TBC1D4: variants seen among roughly 807,000 people sequenced by gnomAD.
TBC1D4 encodes TBC (Tre-2, BUB2, CDC16) domain-containing protein.
A neutral mutation model predicts 142.5 loss-of-function variants in TBC1D4; 121 were observed. The observed-to-expected ratio is 0.85, with a 90% CI of 0.73 to 0.99. The LOEUF (loss-of-function observed/expected upper bound fraction) is 0.99, where lower values mean the gene tolerates loss of function less well. TBC1D4 is among the 50% of genes least tolerant of loss of function. TBC1D4 has a pLI of 0.00. For synonymous variants in TBC1D4, 630 were observed against 628.2 expected (o/e 1.00, Z -0.04); for missense variants, 1,475 against 1,606.6 (o/e 0.92, Z 1.40).
At position 75,306,419 on chromosome 13, in the gene TBC1D4, A is replaced by C; in HGVS notation, c.2646T>G (p.Val882=). The C allele has an allele frequency of 6.2e-7, 1 of 1,613,506 alleles. No homozygotes were observed. Among genetic ancestry groups the C allele is most frequent in the South Asian group, 1.1e-5 (1 of 91,072 alleles). The change falls in exon 15 of 21, where the codon GTT becomes GTG. Residue 882 remains valine, a synonymous_variant. Transcript: ENST00000377636. The part of the protein sequence containing the change: ...SRKVKLDYEE[V]GACQKEVLIT... ...TTAAGACCTCTTTCTGACATGCACC[A>C]ACTTCTTCATAGTCTAATTTAACTT...
intron 7 of TBC1D4, among the ~76,000 whole-genome samples, chr13:75,340,660 A>G (rs1179901363): frequency 6.6e-6 from 1 of 152,026 alleles, no homozygotes; most frequent in East Asian, 1.9e-4. Flanking sequence ...AATTCCCTAT[A>G]AAATGGCCGG....
intron 1 of TBC1D4, among the ~76,000 whole-genome samples, chr13:75,383,887 A>G (rs950274736): frequency 3.3e-5 from 5 of 152,044 alleles, no homozygotes; most frequent in Non-Finnish European, 4.4e-5. Flanking sequence ...TTACTTCATC[A>G]TCTATTTCCT....
At chr13:75,386,935 T>C (rs1884213812) in intron 1 of TBC1D4, among the ~76,000 whole-genome samples, 1 of 152,184 alleles carries the variant, frequency 6.6e-6, no homozygotes, top group South Asian at 2.1e-4. Flanking sequence ...ATCTTTATCA[T>C]TATTTTTCAA....
At chr13:75,386,156 C>A (rs1884155254) in intron 1 of TBC1D4, among the ~76,000 whole-genome samples, 1 of 152,130 alleles carries the variant, frequency 6.6e-6, no homozygotes, top group South Asian at 2.1e-4. Context: ...GCCAAGCTAC[C>A]AATGAGACCA....
At chr13:75,407,627 C>T (rs1461047146) in intron 1 of TBC1D4, among the ~76,000 whole-genome samples, 1 of 152,058 alleles carries the variant, frequency 6.6e-6, no homozygotes, top group African/African-American at 2.4e-5. Context: ...GGGAAGCAGC[C>T]GGGTGACTGA....
At chr13:75,442,565 G>A (rs1164735610) in intron 1 of TBC1D4, among the ~76,000 whole-genome samples, 1 of 152,014 alleles carries the variant, frequency 6.6e-6, no homozygotes, top group African/African-American at 2.4e-5. Context: ...CAGATCACAA[G>A]GTCAAGAGAT....
intron 1 of TBC1D4, among the ~76,000 whole-genome samples, chr13:75,414,207 T>C (rs1885814169): frequency 1.3e-5 from 2 of 152,074 alleles, no homozygotes; most frequent in Admixed American, 6.6e-5. Flanking sequence ...CTCCAATGAG[T>C]TCTAGATGAC....
intron 18 of TBC1D4, among the ~76,000 whole-genome samples, chr13:75,293,667 C>T (rs1027357036): frequency 1.1e-4 from 16 of 152,284 alleles, no homozygotes; most frequent in African/African-American, 3.8e-4. Context: ...ACATTTGATT[C>T]AGCGCATTTT....
In TBC1D4 at chr13:75,481,555, CG is replaced by C; in HGVS notation, c.212del (p.Ala71GlyfsTer12). The C allele has an allele frequency of 6.3e-7, 1 of 1,596,930 alleles. No homozygotes were observed. The highest frequency in any genetic ancestry group is 8.5e-7 in the Non-Finnish European group (1 of 1,171,760). On this transcript the variant is annotated frameshift_variant, in exon 1 of 21. Transcript: ENST00000377636. LOFTEE classifies it high-confidence loss of function. ...GGGCCGCCGGCGCCCCGCAGCCGCC[CG>C]CCTCGGGCTTCTGGCTGCGCCTGCG... The part of the protein sequence containing the change: ...EIRRRSQKPE[A>X]GGCGAPAARE...
chr13:75,459,708 T>C (rs1408421849), intron 1 of TBC1D4, among the ~76,000 whole-genome samples: 1 of 152,214 alleles, frequency 6.6e-6, no homozygotes, highest in African/African-American at 2.4e-5. Context: ...CCAAACACAA[T>C]ATGAACCTTT....
intron 16 of TBC1D4, among the ~76,000 whole-genome samples, chr13:75,301,126 T>A (rs144968333): frequency 6.6e-6 from 1 of 152,172 alleles, no homozygotes; most frequent in Admixed American, 6.5e-5. Context: ...CATAAGGTAA[T>A]CTTGTATTTT....
intron 15 of TBC1D4, among the ~76,000 whole-genome samples, chr13:75,305,506 G>T (rs1229706619): frequency 6.6e-6 from 1 of 152,152 alleles, no homozygotes; most frequent in African/African-American, 2.4e-5. Flanking sequence ...TATCTTCAAG[G>T]ATAAAGAACA....
At chr13:75,439,760 G>A (rs1036244387) in intron 1 of TBC1D4, among the ~76,000 whole-genome samples, 17 of 152,182 alleles carry the variant, frequency 1.1e-4, no homozygotes, top group African/African-American at 3.9e-4. Context: ...AAATTAGCCA[G>A]GCATGGTGGC....
chr13:75,290,360 G>A (rs1194958942), intron 19 of TBC1D4, among the ~76,000 whole-genome samples: 3 of 152,032 alleles, frequency 2.0e-5, no homozygotes, highest in East Asian at 3.9e-4. Flanking sequence ...TCATTCCACA[G>A]TAATCAACTC....
chr13:75,323,885 AG>A (rs1878987692), intron 11 of TBC1D4, among the ~76,000 whole-genome samples: 2 of 152,190 alleles, frequency 1.3e-5, no homozygotes, highest in African/African-American at 4.8e-5. Context: ...AGAAAGGCCA[AG>A]GAAAAAAAAA....
chr13:75,433,030 G>GA (rs201971417), intron 1 of TBC1D4, among the ~76,000 whole-genome samples: 65 of 149,564 alleles, frequency 4.3e-4, no homozygotes, highest in African/African-American at 1.3e-3. Flanking sequence ...TAACTGAAAG[G>GA]AAAAAAAAAT....
Position 75,416,940 on chromosome 13 carries a change from C to G in TBC1D4, c.499-54333G>C, listed in dbSNP as rs541176283. On this transcript the variant is annotated intron_variant, in intron 1 of 20. Transcript: ENST00000377636. ...AGAAAAGAGGGCAGGGAAGGTCAAA[C>G]TGCCCTGCAAGTATCTTTGTTGGTT... Among the ~76,000 whole-genome samples the G allele has an allele frequency of 2.0e-3, 305 of 152,294 alleles. 1 individual carries two copies. Among genetic ancestry groups the G allele is most frequent in the Non-Finnish European group, 3.7e-3 (252 of 68,022 alleles).
intron 1 of TBC1D4, among the ~76,000 whole-genome samples, chr13:75,457,574 C>T (rs955291937): frequency 2.6e-5 from 4 of 152,110 alleles, no homozygotes; most frequent in Non-Finnish European, 4.4e-5. Flanking sequence ...AAGTAGGAAC[C>T]GGAGTACAAT....
intron 1 of TBC1D4, among the ~76,000 whole-genome samples, chr13:75,406,152 G>T (rs1481759344): frequency 6.6e-6 from 1 of 152,138 alleles, no homozygotes; most frequent in African/African-American, 2.4e-5. Flanking sequence ...ATGTTTCTTT[G>T]TTTTTTAACA....
Sources: allele counts gnomAD v4.1 joint callset (sites outside exome capture counted in the v4.1 genomes callset), GRCh38; gene constraint gnomAD v4.1.1; transcripts MANE v1.5; gene names NCBI Gene and HGNC (gene_info 2026-07-23, HGNC 2026-07-21).